The following ZBTB5 variants were observed in gnomAD, a reference collection of about 807,000 sequenced individuals.
ZBTB5 encodes zinc finger and BTB domain-containing protein 5.
A neutral mutation model predicts 37.9 loss-of-function variants in ZBTB5; 15 were observed. The observed-to-expected ratio is 0.40, with a 90% confidence interval of 0.26 to 0.61. ZBTB5 has a LOEUF of 0.61. Ranked by LOEUF, ZBTB5 falls within the 20% of genes least tolerant of loss-of-function variation. The pLI, the probability that ZBTB5 is intolerant of heterozygous loss-of-function variation, is 0.47. For missense variants in ZBTB5, 708 were observed against 856.8 expected, an observed-to-expected ratio of 0.83 and a Z score of 2.17; for synonymous variants, 315 against 312.4, an observed-to-expected ratio of 1.01 and a Z score of -0.09.
intron 1 of ZBTB5, among the ~76,000 whole-genome samples, chr9:37,463,766 C>A (rs1045202212): frequency 1.3e-5 from 2 of 152,194 alleles, no homozygotes; most frequent in Non-Finnish European, 2.9e-5. Context: ...AGCTTGCCAG[C>A]ATCCTCAGCT....
chr9:37,457,222 T>C (rs1358846444), intron 1 of ZBTB5, among the ~76,000 whole-genome samples: 1 of 152,166 alleles, frequency 6.6e-6, no homozygotes, highest in Admixed American at 6.5e-5. Flanking sequence ...AGTTCATTCA[T>C]GTAATATGTT....
chr9:37,463,768 T>A lies in ZBTB5; in HGVS notation c.-5+1447A>T, dbSNP rs535413891. Among the ~76,000 whole-genome samples, 34 of 152,288 alleles carry A rather than the reference T, an allele frequency of 2.2e-4. No homozygotes were observed. In the South Asian group the frequency reaches 7.0e-3, roughly 32 times the overall value. ...TTAACCAAAATCCAGCTTGCCAGCATCCTCAGCTAACTAAAAGTTATGTTT... is the reference window on the plus strand; with the variant it reads ...TTAACCAAAATCCAGCTTGCCAGCAACCTCAGCTAACTAAAAGTTATGTTT... On this transcript the variant is annotated intron_variant, in intron 1 of 1. Transcript: ENST00000307750.
intron 1 of ZBTB5, among the ~76,000 whole-genome samples, chr9:37,443,314 G>A (rs1282675037): frequency 1.3e-5 from 2 of 150,542 alleles, no homozygotes; most frequent in African/African-American, 4.9e-5. Context: ...GGGCGACAGA[G>A]TGAGACTTCA....
chr9:37,443,886 G>A (rs1301009552), intron 1 of ZBTB5, among the ~76,000 whole-genome samples: 4 of 151,854 alleles, frequency 2.6e-5, no homozygotes, highest in Non-Finnish European at 5.9e-5. Flanking sequence ...AGATCGCACT[G>A]CTGCACTCCA....
chr9:37,461,747 A>C (rs902003178), intron 1 of ZBTB5, among the ~76,000 whole-genome samples: 1 of 152,170 alleles, frequency 6.6e-6, no homozygotes, highest in Non-Finnish European at 1.5e-5. Context: ...AAAAAAGTAA[A>C]TTAGGAATAA....
rs1823828127 is a variant in ZBTB5 at position 37,440,009 on chromosome 9, T to C, written c.*509A>G. 1.2e-5 allele frequency: 2 copies of C among 160,646 alleles called. No individual in the cohort carries two copies. The highest frequency in any genetic ancestry group is 3.5e-4 in the South Asian group (2 of 5,634). 10.0% of individuals were successfully genotyped at this position (160,646 alleles called of 1,614,324 possible). A position where few individuals can be genotyped will look rare whatever the true frequency, so the allele number is the denominator to read the frequency against. On this transcript the variant is annotated 3_prime_UTR_variant, in exon 2 of 2. Coordinates refer to ENST00000307750, the MANE Select transcript of ZBTB5 (RefSeq NM_014872.3). ...ATAAAAAATACAGTACTTTGAGGCC[T>C]AGGACTAGCTCATGATACACTTTAA...
chr9:37,457,602 T>G (rs1386076137), intron 1 of ZBTB5, among the ~76,000 whole-genome samples: 1 of 152,260 alleles, frequency 6.6e-6, no homozygotes, highest in Non-Finnish European at 1.5e-5. Flanking sequence ...GGGACAGTAC[T>G]AACTGTCACA....
intron 1 of ZBTB5, among the ~76,000 whole-genome samples, chr9:37,462,025 C>CA (rs1310743177): frequency 6.6e-6 from 1 of 152,074 alleles, no homozygotes; most frequent in Admixed American, 6.5e-5. Flanking sequence ...GGGGGATAGG[C>CA]AGCCAGGATT....
At chr9:37,446,112 A>C (rs1823973491) in intron 1 of ZBTB5, among the ~76,000 whole-genome samples, 1 of 152,228 alleles carries the variant, frequency 6.6e-6, no homozygotes, top group African/African-American at 2.4e-5. Context: ...GTCTCAAATA[A>C]ATAAATACAT....
At chr9:37,447,852 A>G (rs1261068324) in intron 1 of ZBTB5, among the ~76,000 whole-genome samples, 1 of 151,210 alleles carries the variant, frequency 6.6e-6, no homozygotes, top group Non-Finnish European at 1.5e-5. Context: ...TATGAGAAAA[A>G]TGGCTTACTT....
Position 37,440,212 on chromosome 9 carries a change from T to C in ZBTB5, c.*306A>G, listed in dbSNP as rs1320620915. The C allele has an allele frequency of 1.8e-5, 6 of 341,298 alleles. No homozygotes were observed. Among genetic ancestry groups the C allele is most frequent in the Non-Finnish European group, 3.2e-5 (6 of 185,848 alleles). 21.1% of individuals were successfully genotyped at this position (341,298 alleles called of 1,614,324 possible). ...TACAAAAATTGCTAAAAAATTTTTT[T>C]TGCACTTCAATTTTTAAATTTTTAA... On this transcript the variant is annotated 3_prime_UTR_variant, in exon 2 of 2. Transcript: ENST00000307750.
intron 1 of ZBTB5, among the ~76,000 whole-genome samples, chr9:37,445,485 T>C (rs1427315411): frequency 6.6e-6 from 1 of 151,096 alleles, no homozygotes; most frequent in Non-Finnish European, 1.5e-5. Flanking sequence ...CATCTCTTAC[T>C]AAAAATACAA....
At position 37,461,112 on chromosome 9, in the gene ZBTB5, T is replaced by C. The variant is rs143755624; in HGVS notation, c.-5+4103A>G. ...TTCACTTGACCTGCAGAGTTGCTTT[T>C]GATCATCTATTCAAAATAAGTACAA... is the stretch of plus-strand genomic sequence containing the variant. On this transcript the variant is annotated intron_variant, in intron 1 of 1. Transcript: ENST00000307750. 2.0e-3 allele frequency among the ~76,000 whole-genome samples: 297 copies of C among 152,306 alleles called. 2 individuals are homozygous for C. Among genetic ancestry groups the C allele is most frequent in the African/African-American group, 6.8e-3 (283 of 41,564 alleles).
intron 1 of ZBTB5, among the ~76,000 whole-genome samples, chr9:37,461,952 C>T (rs1256888301): frequency 6.6e-6 from 1 of 151,962 alleles, no homozygotes; most frequent in East Asian, 1.9e-4. Context: ...AGCAGGAAAA[C>T]GAATTAGGAA....
Position 37,440,744 on chromosome 9 carries a change from T to C in ZBTB5, c.1808A>G (p.Asn603Ser). The C allele has an allele frequency of 6.2e-7, 1 of 1,614,236 alleles. No individual in the cohort carries two copies. The highest frequency in any genetic ancestry group is 8.5e-7 in the Non-Finnish European group (1 of 1,180,040). ...SKCKKALSEHNVLVVEGARKY... is the reference protein window; with the variant it reads ...SKCKKALSEHSVLVVEGARKY... ...GCGAGCTCCCTCTACAACCAAAACA[T>C]TGTGCTCTGATAAGGCCTTCTTGCA... The change falls in exon 2 of 2, where the codon AAT (asparagine) becomes AGT (serine). Residue 603 changes from asparagine to serine, a missense_variant. Asn to Ser is a conservative substitution (Grantham distance 46). This residue lies in a region of ZBTB5 where 42 missense variants were observed against 107.9 expected (regional missense o/e 0.39). Coordinates refer to ENST00000307750, the MANE Select transcript of ZBTB5 (RefSeq NM_014872.3).
At chr9:37,443,836 G>T (rs541152024) in intron 1 of ZBTB5, among the ~76,000 whole-genome samples, 1 of 152,322 alleles carries the variant, frequency 6.6e-6, no homozygotes, top group African/African-American at 2.4e-5. Context: ...TGAAGGGGGA[G>T]GATCACTTGA....
At chr9:37,464,138 T>C (rs759424460) in intron 1 of ZBTB5, among the ~76,000 whole-genome samples, 6 of 152,256 alleles carry the variant, frequency 3.9e-5, no homozygotes, top group Admixed American at 1.3e-4. Context: ...TTTAGGCAAA[T>C]GAAAAGCAAG....
At chr9:37,453,051 TAGTA>T (rs1205474754) in intron 1 of ZBTB5, among the ~76,000 whole-genome samples, 1 of 152,206 alleles carries the variant, frequency 6.6e-6, no homozygotes, top group East Asian at 1.9e-4. Context: ...TACTGTCTAT[TAGTA>T]AGGAATATTC....
At position 37,441,785 on chromosome 9, in the gene ZBTB5, C is replaced by T. The variant is rs762580477; in HGVS notation, c.767G>A (p.Ser256Asn). 5 of 1,613,942 alleles carry T rather than the reference C, an allele frequency of 3.1e-6. No individual in the cohort carries two copies. The East Asian group carries it at 6.7e-5, about 22-fold the overall frequency. Residue 256 changes from serine (S) to asparagine (N), a missense_variant, in exon 2 of 2, where the codon AGT becomes AAT. Physicochemically the swap from Ser to Asn is conservative, Grantham distance 46. Transcript: ENST00000307750. Reference protein sequence around the residue: ...ADGMTDNQEDSAIMFDQSFGT... With the variant: ...ADGMTDNQEDNAIMFDQSFGT... Reference sequence around the variant, plus strand: ...AAAAGACTGATCAAACATGATCGCACTATCTTCCTGGTTATCAGTCATTCC... The same window carrying T: ...AAAAGACTGATCAAACATGATCGCATTATCTTCCTGGTTATCAGTCATTCC...
Sources: gnomAD v4.1 joint callset for allele counts (sites outside exome capture counted in the v4.1 genomes callset) on GRCh38, gnomAD v4.1.1 for gene constraint, gnomAD v4.1.1 regional missense constraint, MANE v1.5 for transcripts, NCBI Gene and HGNC (gene_info 2026-07-23, HGNC 2026-07-21) for gene names.